The following TSPAN3 variants were observed in gnomAD, a reference collection of about 807,000 sequenced individuals.
TSPAN3 encodes the protein tetraspanin 3.
TSPAN3 carries 9 observed loss-of-function variants against 31.1 expected under a neutral mutation model. The ratio of observed to expected loss-of-function variants is 0.29; its 90% CI spans 0.17 to 0.50. The LOEUF (loss-of-function observed/expected upper bound fraction) is 0.50. TSPAN3 is among the 20% of genes least tolerant of loss of function. TSPAN3 has a pLI of 0.98. For synonymous variants in TSPAN3, 129 were observed against 114.3 expected, an observed-to-expected ratio of 1.13 and a Z score of -0.82; for missense variants, 252 against 313.5, an observed-to-expected ratio of 0.80 and a Z score of 1.48.
intron 4 of TSPAN3, 111 bp from the exon 5 acceptor site, chr15:77,053,040 C>T: frequency 9.4e-7 from 1 of 1,065,532 alleles, no homozygotes; most frequent in Non-Finnish European, 1.3e-6. Context: ...TCCGATACAA[C>T]TTTCTATAAT....
intron 1 of TSPAN3, chr15:77,067,718 T>C (rs2152698128): frequency 6.6e-6 from 1 of 152,362 alleles, no homozygotes; most frequent in Non-Finnish European, 1.5e-5. Context: ...AAGAACCTTT[T>C]AACATTTTTT....
intron 1 of TSPAN3, among the ~76,000 whole-genome samples, chr15:77,059,944 C>G (rs989519846): frequency 7.2e-5 from 11 of 152,256 alleles, no homozygotes; most frequent in East Asian, 1.9e-4. Flanking sequence ...GCCTCTCCCC[C>G]CTAAAAGAGG....
Position 77,069,173 on chromosome 15 carries a change from G to A in TSPAN3, c.63+1719C>T, listed in dbSNP as rs150007628. Among the ~76,000 whole-genome samples, 233 of 152,312 alleles carry A rather than the reference G, an allele frequency of 1.5e-3. 1 individual carries two copies. Among genetic ancestry groups the A allele is most frequent in the Admixed American group, 4.1e-3 (62 of 15,298 alleles). On this transcript the variant is annotated intron_variant, in intron 1 of 6. Transcript: ENST00000267970. ...CTAACCGTTTTGTGCTCTTGGGCCA[G>A]AGATTGCTGACTCCTGGTTTATAAC... is the stretch of plus-strand genomic sequence containing the variant.
At position 77,046,773 on chromosome 15, in the gene TSPAN3, G is replaced by C; in HGVS notation, c.*62C>G. The C allele has an allele frequency of 1.6e-6, 2 of 1,269,798 alleles. No homozygotes were observed. The highest frequency in any genetic ancestry group is 5.0e-5 in the East Asian group (2 of 39,774). 78.7% of individuals were successfully genotyped at this position (1,269,798 alleles called of 1,614,324 possible). A position where few individuals can be genotyped will look rare whatever the true frequency, so the allele number is the denominator to read the frequency against. On this transcript the variant is annotated 3_prime_UTR_variant, in exon 7 of 7. Transcript: ENST00000267970. ...TGAACTCCAGAGGCCAACAGCAGCA[G>C]ACCTGCTCAATTCACCTTCCAAATC... is the stretch of plus-strand genomic sequence containing the variant.
intron 3 of TSPAN3, 140 bp downstream of exon 3, chr15:77,055,649 A>T: frequency 3.1e-6 from 2 of 651,594 alleles, no homozygotes; most frequent in Non-Finnish European, 2.6e-6. Context: ...TTTGCCAATT[A>T]ACTTTAGATA....
intron 1 of TSPAN3, among the ~76,000 whole-genome samples, chr15:77,058,266 C>T (rs1235694299): frequency 6.6e-6 from 1 of 152,188 alleles, no homozygotes. Flanking sequence ...GCAAGTGAGT[C>T]CCCGATGAAC....
chr15:77,042,756 G>A lies in TSPAN3; in HGVS notation c.*4079C>T, dbSNP rs969994124. 11 of 152,128 alleles carry A rather than the reference G, an allele frequency of 7.2e-5. No individual in the cohort carries two copies. The highest frequency in any genetic ancestry group is 1.5e-4 in the Non-Finnish European group (10 of 68,024). The allele number at this position is 152,128 out of a possible 1,614,324, so 9.4% of individuals were successfully genotyped here. ...TCAGCAACATTTGCTGAACCTGGTC[G>A]GGGAATGGGGAAGAGTCTCATGAGG... On this transcript the variant is annotated 3_prime_UTR_variant, in exon 7 of 7. Transcript: ENST00000267970.
intron 6 of TSPAN3, among the ~76,000 whole-genome samples, chr15:77,048,950 A>C (rs2076710783): frequency 6.6e-6 from 1 of 152,186 alleles, no homozygotes; most frequent in South Asian, 2.1e-4. Flanking sequence ...TCTGAGAAAA[A>C]ATTGGAAATA....
In TSPAN3 at chr15:77,060,084, C is replaced by T. The variant is rs567651043; in HGVS notation, c.64-3829G>A. 1.1e-3 allele frequency among the ~76,000 whole-genome samples: 162 copies of T among 152,302 alleles called. 2 individuals are homozygous for T. The highest frequency in any genetic ancestry group is 3.4e-3 in the Middle Eastern group (1 of 294). ...AAGCTGCCTCTTCTTTTCTGATAGA[C>T]TCTACAACAGTTTTTTTTCCCAGGC... On this transcript the variant is annotated intron_variant, in intron 1 of 6. Transcript: ENST00000267970.
intron 6 of TSPAN3, 144 bp from the exon 7 acceptor site, chr15:77,047,071 T>G (rs1327552953): frequency 1.7e-6 from 1 of 599,030 alleles, no homozygotes; most frequent in African/African-American, 1.9e-5. Flanking sequence ...ATAGAAGGAA[T>G]TTCTTATGAG....
At chr15:77,055,123 TATA>T (rs1191309189) in intron 3 of TSPAN3, 1 of 152,236 alleles carries the variant, frequency 6.6e-6, no homozygotes, top group Non-Finnish European at 1.5e-5. Flanking sequence ...ACCATTAAGT[TATA>T]ATGAGAATGA....
chr15:77,042,115 AGGAT>A lies in TSPAN3; in HGVS notation c.*4716_*4719del, dbSNP rs1435442412. The A allele has an allele frequency of 6.6e-6, 1 of 152,242 alleles. No homozygotes were observed. Among genetic ancestry groups the A allele is most frequent in the Non-Finnish European group, 1.5e-5 (1 of 68,046 alleles). The allele number at this position is 152,242 out of a possible 1,614,324, so 9.4% of individuals were successfully genotyped here. On this transcript the variant is annotated 3_prime_UTR_variant, in exon 7 of 7. Coordinates refer to ENST00000267970, the MANE Select transcript of TSPAN3 (RefSeq NM_005724.6). ...TGTGAAGACAGAAAGAGGATCTTGTAGGATAAAATTCCTATTAGCAAAAAGCAAA... is the reference window on the plus strand; with the variant it reads ...TGTGAAGACAGAAAGAGGATCTTGTAAAAATTCCTATTAGCAAAAAGCAAA...
At chr15:77,068,187 T>C (rs1260373669) in intron 1 of TSPAN3, 3 of 152,208 alleles carry the variant, frequency 2.0e-5, no homozygotes, top group Admixed American at 1.3e-4. Flanking sequence ...ATTAGCTACA[T>C]TGCACTGTGA....
intron 1 of TSPAN3, among the ~76,000 whole-genome samples, chr15:77,061,629 G>C (rs1393166411): frequency 2.0e-5 from 3 of 152,154 alleles, no homozygotes; most frequent in Non-Finnish European, 2.9e-5. Context: ...TATTAAAAAT[G>C]AAACAGATTT....
At chr15:77,061,282 C>T (rs930001078) in intron 1 of TSPAN3, among the ~76,000 whole-genome samples, 2 of 152,168 alleles carry the variant, frequency 1.3e-5, no homozygotes, top group African/African-American at 4.8e-5. Context: ...AATCCCAGCA[C>T]TTTGGGAGGC....
intron 1 of TSPAN3, among the ~76,000 whole-genome samples, chr15:77,066,643 C>T (rs1328665455): frequency 7.0e-6 from 1 of 143,310 alleles, no homozygotes; most frequent in African/African-American, 2.6e-5. Context: ...TTCTAACCTT[C>T]TTCAATAAAT....
Position 77,062,396 on chromosome 15 carries a change from C to A in TSPAN3, c.64-6141G>T, listed in dbSNP as rs528799129. On this transcript the variant is annotated intron_variant, in intron 1 of 6. Transcript: ENST00000267970. ...ATGTAAGTCCACTACCTGAATATATCATTTACTCTCCTACCAACTCTCAAG... is the reference window on the plus strand; with the variant it reads ...ATGTAAGTCCACTACCTGAATATATAATTTACTCTCCTACCAACTCTCAAG... Among the ~76,000 whole-genome samples, 9 of 152,310 alleles carry A rather than the reference C, an allele frequency of 5.9e-5. No homozygotes were observed. In the East Asian group the frequency reaches 1.5e-3, roughly 26 times the overall value.
At chr15:77,048,004 C>T (rs972461020) in intron 6 of TSPAN3, among the ~76,000 whole-genome samples, 2 of 152,164 alleles carry the variant, frequency 1.3e-5, no homozygotes, top group South Asian at 4.1e-4. Flanking sequence ...AAGTCACCCA[C>T]TCCAATTTCT....
At chr15:77,046,984 G>A in intron 6 of TSPAN3, 57 bp from the exon 7 acceptor site, 1 of 1,389,214 alleles carries the variant, frequency 7.2e-7, no homozygotes, top group African/African-American at 1.4e-5. Flanking sequence ...CATGGCAGGT[G>A]TGTATTTCTT....
Sources: gnomAD v4.1 joint callset for allele counts (sites outside exome capture counted in the v4.1 genomes callset) on GRCh38, gnomAD v4.1.1 for gene constraint, MANE v1.5 for transcripts, NCBI Gene and HGNC (gene_info 2026-07-23, HGNC 2026-07-21) for gene names.